LRRC69: variants seen among roughly 807,000 people sequenced by gnomAD.
LRRC69 encodes leucine rich repeat containing 69.
LRRC69 carries 42 observed loss-of-function variants against 37.8 expected under a neutral mutation model. That is an observed-to-expected ratio of 1.11 (90% CI 0.87 to 1.44). The LOEUF is 1.44. Among genes scored for constraint, LRRC69 ranks in the 40% most tolerant of loss-of-function variants. The pLI is 0.00. For missense variants in LRRC69, 357 were observed against 401.9 expected, an observed-to-expected ratio of 0.89 and a Z score of 0.96; for synonymous variants, 141 against 143.1, an observed-to-expected ratio of 0.99 and a Z score of 0.11.
chr8:91,183,055 G>A (rs1342621823), intron 5 of LRRC69, among the ~76,000 whole-genome samples: 2 of 152,154 alleles, frequency 1.3e-5, no homozygotes, highest in African/African-American at 2.4e-5. Flanking sequence ...AGGCCCTAGA[G>A]TGAGAGGGAA....
At chr8:91,199,655 GA>G (rs1470956040) in intron 6 of LRRC69, among the ~76,000 whole-genome samples, 3 of 151,626 alleles carry the variant, frequency 2.0e-5, no homozygotes, top group Middle Eastern at 3.4e-3. Flanking sequence ...CTTTTGTTGG[GA>G]AAAAAAAGTA....
rs116455818 is a variant in LRRC69, at chr8:91,104,328, A to G, written c.183+1484A>G. Among the ~76,000 whole-genome samples the G allele has an allele frequency of 5.1e-3, 778 of 152,080 alleles. 10 individuals are homozygous for G. The highest frequency in any genetic ancestry group is 0.018 in the African/African-American group (742 of 41,566). ...AAGTTTTTACTTTTATAACACTTAC[A>G]GCTTTTATATCCTATTCAGTTATAA... is the stretch of plus-strand genomic sequence containing the variant. On this transcript the variant is annotated intron_variant, in intron 1 of 7. Transcript: ENST00000448384.
rs889078063 is a variant in LRRC69 at position 91,144,179 on chromosome 8, T to C, written c.651+8440T>C. ...TACCTGCCCCTCAATCCACCCCAAA[T>C]TTTGGGGTGTCTCTGAAGGCTTTCA... On this transcript the variant is annotated intron_variant, in intron 5 of 7. Transcript: ENST00000448384. Among the ~76,000 whole-genome samples, 5 of 151,938 alleles carry C rather than the reference T, an allele frequency of 3.3e-5. No individual in the cohort carries two copies. In the East Asian group the frequency reaches 9.7e-4, roughly 29 times the overall value.
intron 1 of LRRC69, among the ~76,000 whole-genome samples, chr8:91,112,533 G>C (rs1483193996): frequency 6.6e-6 from 1 of 152,020 alleles, no homozygotes; most frequent in East Asian, 1.9e-4. Context: ...ACAAAGTTCA[G>C]CATCCATTCA....
chr8:91,110,144 A>T (rs1378011810), intron 1 of LRRC69, among the ~76,000 whole-genome samples: 1 of 152,084 alleles, frequency 6.6e-6, no homozygotes, highest in Non-Finnish European at 1.5e-5. Context: ...CTATTTGATT[A>T]TAATAAATGT....
chr8:91,106,138 T>C (rs1586220004), intron 1 of LRRC69, among the ~76,000 whole-genome samples: 2 of 152,056 alleles, frequency 1.3e-5, no homozygotes, highest in Admixed American at 6.6e-5. Context: ...ATAATTCTTA[T>C]TCTAACAGTT....
chr8:91,129,689 G>C (rs1813775073), intron 3 of LRRC69, among the ~76,000 whole-genome samples: 1 of 151,858 alleles, frequency 6.6e-6, no homozygotes. Context: ...ATACTGCAAA[G>C]AACTTCACTT....
At chr8:91,159,925 ATGT>A (rs1283469723) in intron 5 of LRRC69, among the ~76,000 whole-genome samples, 10 of 151,016 alleles carry the variant, frequency 6.6e-5, no homozygotes, top group Admixed American at 2.0e-4. Flanking sequence ...CAGTGAACTG[ATGT>A]TGTTCCTTGG....
intron 5 of LRRC69, among the ~76,000 whole-genome samples, chr8:91,188,435 C>A (rs932518759): frequency 6.6e-6 from 1 of 152,170 alleles, no homozygotes; most frequent in African/African-American, 2.4e-5. Context: ...CACATCCCTT[C>A]CCAAACTCTG....
chr8:91,135,041 C>T (rs1813885163), intron 4 of LRRC69, among the ~76,000 whole-genome samples: 1 of 151,984 alleles, frequency 6.6e-6, no homozygotes, highest in Non-Finnish European at 1.5e-5. Context: ...TCGACAGCAA[C>T]GGAAGTAATG....
At chr8:91,140,459 T>A (rs1331700502) in intron 5 of LRRC69, among the ~76,000 whole-genome samples, 1 of 151,876 alleles carries the variant, frequency 6.6e-6, no homozygotes, top group East Asian at 1.9e-4. Flanking sequence ...AAATGTAAGG[T>A]GTCTTTAAGT....
chr8:91,195,720 T>G (rs1243536220), intron 6 of LRRC69, among the ~76,000 whole-genome samples: 1 of 152,224 alleles, frequency 6.6e-6, no homozygotes, highest in African/African-American at 2.4e-5. Context: ...CATCCTTTTA[T>G]TTTGAGCCTA....
intron 6 of LRRC69, among the ~76,000 whole-genome samples, chr8:91,197,538 T>C (rs1196329820): frequency 1.3e-5 from 2 of 152,212 alleles, no homozygotes; most frequent in African/African-American, 4.8e-5. Flanking sequence ...CGGGATATTA[T>C]CTCGTGGTGC....
intron 5 of LRRC69, among the ~76,000 whole-genome samples, chr8:91,166,510 A>AAAC (rs1554593673): frequency 3.3e-3 from 418 of 127,610 alleles, no homozygotes; most frequent in Non-Finnish European, 6.5e-3. Context: ...AAAAAAAAAA[A>AAAC]AAAAAACCTA....
intron 7 of LRRC69, chr8:91,206,798 A>G (rs1294241810): frequency 2.3e-6 from 3 of 1,289,762 alleles, no homozygotes; most frequent in Admixed American, 2.3e-5. Context: ...ATTAATGTCC[A>G]AAATAACCCC....
chr8:91,211,616 A>AT (rs34106795), intron 7 of LRRC69, among the ~76,000 whole-genome samples: 3,573 of 137,474 alleles, frequency 0.026, 64 homozygotes, highest in Middle Eastern at 0.064. Flanking sequence ...ATATATATAT[A>AT]TTTTTTTTTT....
intron 7 of LRRC69, among the ~76,000 whole-genome samples, chr8:91,205,211 A>G (rs1175249789): frequency 6.6e-6 from 1 of 152,176 alleles, no homozygotes; most frequent in African/African-American, 2.4e-5. Flanking sequence ...GAGAGATTTT[A>G]TCAAGAGTTA....
At chr8:91,212,723 T>C (rs2130648439) in intron 7 of LRRC69, among the ~76,000 whole-genome samples, 1 of 152,284 alleles carries the variant, frequency 6.6e-6, no homozygotes, top group Non-Finnish European at 1.5e-5. Flanking sequence ...TTTAAAACAT[T>C]TATGCCGTGG....
intron 1 of LRRC69, among the ~76,000 whole-genome samples, chr8:91,110,593 C>T (rs1813391947): frequency 9.2e-6 from 1 of 108,882 alleles, no homozygotes; most frequent in African/African-American, 3.0e-5. Flanking sequence ...GAGCCGAGAT[C>T]ATGCCATTGC....
Sources: gnomAD v4.1 joint callset for allele counts (sites outside exome capture counted in the v4.1 genomes callset) on GRCh38, gnomAD v4.1.1 for gene constraint, MANE v1.5 for transcripts, NCBI Gene and HGNC (gene_info 2026-07-23, HGNC 2026-07-21) for gene names.